The following RNASEH1 variants were observed in gnomAD, a reference collection of about 807,000 sequenced individuals.
RNASEH1 encodes the protein ribonuclease H type II.
In RNASEH1, 27 loss-of-function variants were observed where a neutral mutation model predicts 34.6. The observed-to-expected ratio is 0.78, with a 90% CI of 0.58 to 1.08. RNASEH1 has a LOEUF of 1.08. RNASEH1 is among the 50% of genes least tolerant of loss of function. The probability of loss-of-function intolerance (pLI) is 0.00; values close to 1 mark genes in which losing one functional copy is unlikely to be tolerated. For synonymous variants in RNASEH1, 162 were observed against 138.4 expected (o/e 1.17, Z -1.20); for missense variants, 349 against 373.6 (o/e 0.93, Z 0.54).
Position 3,550,444 on chromosome 2 carries a change from G to C in RNASEH1, c.438C>G (p.Gly146=). 6.2e-7 allele frequency: 1 copy of C among 1,614,152 alleles called. No homozygotes were observed. Among genetic ancestry groups the C allele is most frequent in the Non-Finnish European group, 8.5e-7 (1 of 1,179,990 alleles). ...MGDFVVVYTD[G]CCSSNGRRRP... ...TTCTACGCCCATTACTGGAGCAGCA[G>C]CCATCAGTGTAGACGACGACGAAGT... is the stretch of plus-strand genomic sequence containing the variant. The change falls in exon 4 of 8, where the codon GGC becomes GGG. Residue 146 remains glycine (G), a synonymous_variant. Coordinates refer to ENST00000315212, the MANE Select transcript of RNASEH1 (RefSeq NM_002936.6).
chr2:3,549,178 T>A, intron 4 of RNASEH1, 66 bp from the exon 5 acceptor site: 3 of 1,190,228 alleles, frequency 2.5e-6, no homozygotes, highest in Non-Finnish European at 3.8e-6. Context: ...TTCTTCTTAA[T>A]GGATAACGAT....
intron 2 of RNASEH1, among the ~76,000 whole-genome samples, chr2:3,553,343 T>C (rs1660172578): frequency 6.6e-6 from 1 of 151,950 alleles, no homozygotes; most frequent in Non-Finnish European, 1.5e-5. Flanking sequence ...CAACAAAGTT[T>C]TTCTTCTGCA....
intron 3 of RNASEH1, among the ~76,000 whole-genome samples, chr2:3,551,848 T>A (rs994319934): frequency 6.6e-6 from 1 of 152,228 alleles, no homozygotes; most frequent in Non-Finnish European, 1.5e-5. Context: ...TTGAAAAAGC[T>A]GGAGTCTTCG....
Position 3,558,317 on chromosome 2 carries a change from C to G in RNASEH1, c.-57G>C. ...CTCCCGGCCCAGCGTGGGCGCGAGC[C>G]GCCGGCGCTCAACACCGCACTTCCG... On this transcript the variant is annotated 5_prime_UTR_variant, in exon 1 of 8. Coordinates refer to ENST00000315212, the MANE Select transcript of RNASEH1 (RefSeq NM_002936.6). 6.8e-7 allele frequency: 1 copy of G among 1,468,508 alleles called. No individual in the cohort carries two copies. The highest frequency in any genetic ancestry group is 9.0e-7 in the Non-Finnish European group (1 of 1,112,864). 91.0% of individuals were successfully genotyped at this position (1,468,508 alleles called of 1,614,324 possible).
At chr2:3,548,843 A>G in intron 5 of RNASEH1, 119 bp from the exon 6 acceptor site, 4 of 775,022 alleles carry the variant, frequency 5.2e-6, no homozygotes, top group Middle Eastern at 2.4e-4. Flanking sequence ...CTCTGTATGA[A>G]ACACTACTAT....
At position 3,543,930 on chromosome 2, in the gene RNASEH1, T is replaced by C. The variant is rs544886540; in HGVS notation, c.*1855A>G. Among the ~76,000 whole-genome samples, 325 of 152,236 alleles carry C rather than the reference T, an allele frequency of 2.1e-3. 1 individual carries two copies. The highest frequency in any genetic ancestry group is 7.4e-3 in the African/African-American group (309 of 41,538). On this transcript the variant is annotated 3_prime_UTR_variant, in exon 8 of 8. Transcript: ENST00000315212. ...TGCCCAGCCCATGAATTCTTGTATA[T>C]ATGTAAAAACCCTTCACCACTCACC...
intron 1 of RNASEH1, 129 bp downstream of exon 1, chr2:3,558,004 G>T (rs1004208691): frequency 1.3e-6 from 2 of 1,485,792 alleles, no homozygotes; most frequent in Admixed American, 2.2e-5. Flanking sequence ...GCGGTCCCCC[G>T]ACCACCCACA....
chr2:3,552,419 C>T lies in RNASEH1; in HGVS notation c.245-111G>A, dbSNP rs1660034978. ...AGTATCATTAAATCAGACTTAAAAA[C>T]ACCCTCTCTATGTGGCCCTACAACG... On this transcript the variant is annotated intron_variant, in intron 2 of 7. Transcript: ENST00000315212. The T allele has an allele frequency of 4.7e-6, 5 of 1,059,970 alleles. No individual in the cohort carries two copies. The Admixed American group carries it at 9.9e-5, about 21-fold the overall frequency. 65.7% of individuals were successfully genotyped at this position (1,059,970 alleles called of 1,614,324 possible).
At position 3,547,938 on chromosome 2, in the gene RNASEH1, A is replaced by G. The variant is rs1252565329; in HGVS notation, c.767T>C (p.Ile256Thr). ...ALERLTQGMD[I>T]QWMHVPGHSG... ...AACATTTAAGATACTCACCCACTGAATGTCCATCCCCTGGGTAAGCCTCTC... is the reference window on the plus strand; with the variant it reads ...AACATTTAAGATACTCACCCACTGAGTGTCCATCCCCTGGGTAAGCCTCTC... The change falls in exon 7 of 8, where the codon ATT becomes ACT. Residue 256 changes from isoleucine to threonine, a missense_variant. This residue lies in a region of RNASEH1 where 93 missense variants were observed against 132.9 expected (regional missense o/e 0.70). Coordinates refer to ENST00000315212, the MANE Select transcript of RNASEH1 (RefSeq NM_002936.6). 6.2e-7 allele frequency: 1 copy of G among 1,613,892 alleles called. No individual in the cohort carries two copies. The highest frequency in any genetic ancestry group is 8.5e-7 in the Non-Finnish European group (1 of 1,179,820).
intron 3 of RNASEH1, among the ~76,000 whole-genome samples, chr2:3,551,772 T>G (rs547104704): frequency 2.6e-4 from 39 of 152,286 alleles, no homozygotes; most frequent in African/African-American, 9.1e-4. Flanking sequence ...TTCCAAAGAT[T>G]GAATATGAAA....
chr2:3,553,195 C>T (rs1307525918), intron 2 of RNASEH1, among the ~76,000 whole-genome samples: 6 of 150,990 alleles, frequency 4.0e-5, no homozygotes, highest in African/African-American at 1.5e-4. Flanking sequence ...TTACAGTGAG[C>T]GGAGATCGCG....
chr2:3,558,148 C>A lies in RNASEH1; in HGVS notation c.113G>T (p.Gly38Val). 1 of 1,600,810 alleles carries A rather than the reference C, an allele frequency of 6.2e-7. No individual in the cohort carries two copies. Among genetic ancestry groups the A allele is most frequent in the Non-Finnish European group, 8.5e-7 (1 of 1,175,502 alleles). ...GGCCACTCACCAGGTCAGAAAGACC[C>A]CGGTCTTGCGGCCCCTCCTCACGGC... ...FYAVRRGRKT[G>V]VFLTWNECRA... The change falls in exon 1 of 8, where the codon GGG (glycine) becomes GTG (valine). Residue 38 changes from glycine to valine, a missense_variant. Coordinates refer to ENST00000315212, the MANE Select transcript of RNASEH1 (RefSeq NM_002936.6).
chr2:3,552,374 A>C (rs1660028596), intron 2 of RNASEH1, 66 bp from the exon 3 acceptor site: 1 of 1,455,542 alleles, frequency 6.9e-7, no homozygotes, highest in Non-Finnish European at 9.5e-7. Flanking sequence ...TAGAGAATGA[A>C]GACATTCAGT....
chr2:3,552,316 A>G lies in RNASEH1; in HGVS notation c.245-8T>C. ...CATGTTGATTTTCATGCCCTGAAAGACAAGAGTCCACTCGTGAGCTGGAAA... is the reference window on the plus strand; with the variant it reads ...CATGTTGATTTTCATGCCCTGAAAGGCAAGAGTCCACTCGTGAGCTGGAAA... On this transcript the variant is annotated splice_polypyrimidine_tract_variant and splice_region_variant and intron_variant, in intron 2 of 7. Coordinates refer to ENST00000315212, the MANE Select transcript of RNASEH1 (RefSeq NM_002936.6). 6.2e-7 allele frequency: 1 copy of G among 1,612,450 alleles called. No individual in the cohort carries two copies. Among genetic ancestry groups the G allele is most frequent in the Non-Finnish European group, 8.5e-7 (1 of 1,179,552 alleles).
At chr2:3,547,230 TAC>T (rs1487439571) in intron 7 of RNASEH1, among the ~76,000 whole-genome samples, 2 of 152,172 alleles carry the variant, frequency 1.3e-5, no homozygotes, top group African/African-American at 4.8e-5. Flanking sequence ...CAGGCTAGAG[TAC>T]AGTGGTACAA....
rs201353590 is a variant in RNASEH1, at chr2:3,552,189, C to T, written c.364G>A (p.Val122Met). ...EPYAKHMKPS[V>M]EPAPPVSRDT... ...CTGCTAACTGGAGGCGCCGGCTCCA[C>T]GCTCGGCTTCATGTGCTTTGCATAC... Residue 122 changes from valine to methionine, a missense_variant, in exon 3 of 8, where the codon GTG becomes ATG. By Grantham distance (21) the Val-to-Met change is conservative. Coordinates refer to ENST00000315212, the MANE Select transcript of RNASEH1 (RefSeq NM_002936.6). 1.4e-5 allele frequency: 23 copies of T among 1,612,328 alleles called. No individual in the cohort carries two copies. The highest frequency in any genetic ancestry group is 2.1e-4 in the Middle Eastern group (1 of 4,864).
At chr2:3,539,796 C>T (rs537481770), downstream of RNASEH1, among the ~76,000 whole-genome samples, 21 of 152,288 alleles carry the variant, frequency 1.4e-4, no homozygotes, top group African/African-American at 3.8e-4. Flanking sequence ...AAATCTACCC[C>T]GAGGCCCTCC....
downstream of RNASEH1, among the ~76,000 whole-genome samples, chr2:3,537,699 T>G (rs1345214628): frequency 4.0e-5 from 6 of 150,066 alleles, no homozygotes; most frequent in Non-Finnish European, 7.4e-5. Context: ...CCAGCCTAGG[T>G]GACAGAGCAA....
intron 4 of RNASEH1, chr2:3,550,142 TAAAAAAAAA>T: frequency 8.3e-6 from 2 of 240,758 alleles, no homozygotes; most frequent in Non-Finnish European, 1.5e-5. Flanking sequence ...GACCGTGTCT[TAAAAAAAAA>T]AAAAAAAAAA....
Sources: allele counts gnomAD v4.1 joint callset (sites outside exome capture counted in the v4.1 genomes callset), GRCh38; gene constraint gnomAD v4.1.1; regional missense constraint gnomAD v4.1.1; transcripts MANE v1.5; gene names NCBI Gene and HGNC (gene_info 2026-07-23, HGNC 2026-07-21).